Variants in TEX9 observed in about 807,000 individuals in gnomAD.
TEX9 encodes testis expressed 9, also known as testis-expressed protein 9.
TEX9 carries 74 observed loss-of-function variants against 59.6 expected under a neutral mutation model. The ratio of observed to expected loss-of-function variants is 1.24; its 90% CI spans 1.03 to 1.51. TEX9 has a LOEUF of 1.51. Ranked by LOEUF, TEX9 falls within the 40% of genes most tolerant of loss-of-function variation. TEX9 has a pLI of 0.00. For synonymous variants in TEX9, 186 were observed against 152.2 expected (o/e 1.22, Z -1.64); for missense variants, 522 against 447.8 (o/e 1.17, Z -1.49).
intron 1 of TEX9, among the ~76,000 whole-genome samples, chr15:56,358,307 T>C (rs2046722836): frequency 6.6e-6 from 1 of 152,002 alleles, no homozygotes; most frequent in Non-Finnish European, 1.5e-5. Flanking sequence ...AAATTTCTCC[T>C]ACTTTCTTCA....
chr15:56,318,316 C>G (rs2713903), intron 1 of TEX9, among the ~76,000 whole-genome samples: 11,710 of 152,124 alleles, frequency 0.077, 1,148 homozygotes, highest in East Asian at 0.47. Context: ...ATAAATATAG[C>G]TGCTCCAATT....
intron 1 of TEX9, among the ~76,000 whole-genome samples, chr15:56,312,035 T>C (rs2045634325): frequency 6.6e-6 from 1 of 151,932 alleles, no homozygotes; most frequent in Admixed American, 6.6e-5. Context: ...CTATAGATTC[T>C]GGATATTAGC....
the TEX9 span, among the ~76,000 whole-genome samples, chr15:56,459,882 T>C: frequency 1.9e-4 from 28 of 148,738 alleles, no homozygotes; most frequent in African/African-American, 6.2e-4. Flanking sequence ...CCCAGCTACT[T>C]GGAAGGCCTC....
chr15:56,341,723 A>G (rs2141833174), intron 1 of TEX9, among the ~76,000 whole-genome samples: 1 of 152,322 alleles, frequency 6.6e-6, no homozygotes, highest in East Asian at 1.9e-4. Context: ...AACTGATTTA[A>G]AAAGTTGAAC....
intron 1 of TEX9, among the ~76,000 whole-genome samples, chr15:56,304,776 G>A (rs1441156808): frequency 1.3e-5 from 2 of 152,200 alleles, no homozygotes; most frequent in African/African-American, 4.8e-5. Context: ...AGGCTAGAGT[G>A]TGGTGGTGCA....
At position 56,373,529 on chromosome 15, in the gene TEX9, A is replaced by C. The variant is rs762323687; in HGVS notation, c.183+25A>C. 282 of 1,501,046 alleles carry C rather than the reference A, an allele frequency of 1.9e-4. 1 individual carries two copies. The highest frequency in any genetic ancestry group is 6.2e-6 in the Non-Finnish European group (7 of 1,129,804). 93.0% of individuals were successfully genotyped at this position (1,501,046 alleles called of 1,614,324 possible). ...AGTAAGTATATGTACAATTATTAATAATTCTATATAAATGCTAGTTTTTTA... is the reference window on the plus strand; with the variant it reads ...AGTAAGTATATGTACAATTATTAATCATTCTATATAAATGCTAGTTTTTTA... On this transcript the variant is annotated intron_variant, in intron 3 of 12. Transcript: ENST00000352903.
intron 1 of TEX9, among the ~76,000 whole-genome samples, chr15:56,308,170 C>A (rs2045525831): frequency 6.6e-6 from 1 of 152,126 alleles, no homozygotes; most frequent in South Asian, 2.1e-4. Context: ...AAAGCAGCTG[C>A]ACTATTTTAC....
Position 56,328,366 on chromosome 15 carries a change from G to A in TEX9, c.-106-45075G>A, listed in dbSNP as rs554362891. ...AGGTGATACATCGTGGGCCTTGGGT[G>A]AGACCCAGCACATTCCCAACTGTGG... On this transcript the variant is annotated intron_variant, in intron 1 of 5. Transcript: ENST00000560827. 1.1e-3 allele frequency among the ~76,000 whole-genome samples: 166 copies of A among 152,242 alleles called. 1 individual carries two copies. Among genetic ancestry groups the A allele is most frequent in the African/African-American group, 3.7e-3 (152 of 41,546 alleles).
intron 1 of TEX9, among the ~76,000 whole-genome samples, chr15:56,287,897 T>A (rs1475433679): frequency 6.6e-6 from 1 of 152,160 alleles, no homozygotes; most frequent in African/African-American, 2.4e-5. Flanking sequence ...TGTATATATA[T>A]ATTTTCTTTA....
chr15:56,363,773 C>T (rs1216329287), upstream of TEX9, among the ~76,000 whole-genome samples: 11 of 151,856 alleles, frequency 7.2e-5, no homozygotes, highest in African/African-American at 2.7e-4. Context: ...TCAAGTGATC[C>T]TCCCACCTCA....
chr15:56,456,716 A>G, the TEX9 span, among the ~76,000 whole-genome samples: 4 of 152,176 alleles, frequency 2.6e-5, no homozygotes, highest in Non-Finnish European at 5.9e-5. Context: ...AGTATTGCCA[A>G]TAGTAAGAAG....
intron 9 of TEX9, among the ~76,000 whole-genome samples, chr15:56,405,472 G>GT (rs1198194982): frequency 1.3e-5 from 2 of 152,062 alleles, no homozygotes; most frequent in African/African-American, 2.4e-5. Flanking sequence ...TTAAATGAAC[G>GT]TAAGTACCAT....
chr15:56,421,687 A>G (rs902304635), intron 10 of TEX9: 29 of 151,584 alleles, frequency 1.9e-4, no homozygotes, highest in African/African-American at 4.4e-4. Context: ...TCATTATTCA[A>G]TTCCCACCTA....
chr15:56,347,453 A>G lies in TEX9; in HGVS notation c.-106-25988A>G, dbSNP rs555274518. On this transcript the variant is annotated intron_variant, in intron 1 of 5. Coordinates refer to the TEX9 transcript ENST00000560827. ...AATATGCCTAATTGATTTTTTGATA[A>G]AGATGCAAAAGCAATTAAATGGGAT... 5.8e-4 allele frequency among the ~76,000 whole-genome samples: 88 copies of G among 152,192 alleles called. 1 individual carries two copies. The highest frequency in any genetic ancestry group is 3.4e-3 in the Middle Eastern group (1 of 294).
intron 1 of TEX9, among the ~76,000 whole-genome samples, chr15:56,312,120 T>G (rs1356649844): frequency 6.7e-6 from 1 of 149,136 alleles, no homozygotes; most frequent in African/African-American, 2.4e-5. Context: ...TGGTAGTTTC[T>G]TTTGCTGTGC....
At chr15:56,396,321 G>A (rs2048466023) in intron 9 of TEX9, 1 of 152,036 alleles carries the variant, frequency 6.6e-6, no homozygotes, top group Non-Finnish European at 1.5e-5. Context: ...AAATTTATAT[G>A]CAGTAAATTC....
intron 2 of TEX9, among the ~76,000 whole-genome samples, chr15:56,368,093 A>G (rs1385689431): frequency 5.3e-5 from 8 of 152,188 alleles, no homozygotes; most frequent in Non-Finnish European, 1.0e-4. Context: ...CCCACTTTTA[A>G]TAATCACTAC....
At chr15:56,300,708 G>A (rs12907955) in intron 1 of TEX9, among the ~76,000 whole-genome samples, 3,141 of 102,196 alleles carry the variant, frequency 0.031, 132 homozygotes, top group African/African-American at 0.1. Flanking sequence ...AGAGAGAGAG[G>A]GAGAGAGAGA....
At chr15:56,376,986 C>G (rs1371929240) in intron 3 of TEX9, among the ~76,000 whole-genome samples, 1 of 152,104 alleles carries the variant, frequency 6.6e-6, no homozygotes, top group Non-Finnish European at 1.5e-5. Context: ...TTCCGTTTTC[C>G]CAGCACCATT....
Sources: allele counts gnomAD v4.1 joint callset (sites outside exome capture counted in the v4.1 genomes callset), GRCh38; gene constraint gnomAD v4.1.1; transcripts MANE v1.5; gene names NCBI Gene and HGNC (gene_info 2026-07-23, HGNC 2026-07-21).